Variants in INSL6 observed in about 807,000 individuals in gnomAD.
INSL6 encodes insulin like 6, also known as insulin-like peptide INSL6.
A neutral mutation model predicts 9.4 loss-of-function variants in INSL6; 16 were observed. The ratio of observed to expected loss-of-function variants is 1.70; its 90% CI spans 1.15 to 2.59. INSL6 has a LOEUF of 2.59. Ranked by LOEUF, INSL6 falls within the 30% of genes most tolerant of loss-of-function variation. The probability of loss-of-function intolerance (pLI) is 0.00; values close to 1 mark genes in which losing one functional copy is unlikely to be tolerated. For missense variants in INSL6, 391 were observed against 257.3 expected, an observed-to-expected ratio of 1.52 and a Z score of -3.56; for synonymous variants, 154 against 96.9, an observed-to-expected ratio of 1.59 and a Z score of -3.46.
At chr9:5,151,361 A>T (rs551335800) in intron 2 of INSL6, among the ~76,000 whole-genome samples, 2 of 152,342 alleles carry the variant, frequency 1.3e-5, no homozygotes, top group Admixed American at 6.5e-5. Flanking sequence ...AAAATAAGAA[A>T]ATAATGCGTG....
At chr9:5,002,759 T>C in the INSL6 span, among the ~76,000 whole-genome samples, 3 of 152,028 alleles carry the variant, frequency 2.0e-5, no homozygotes, top group Non-Finnish European at 2.9e-5. Context: ...TTTCCCTCTT[T>C]ACATTTTTGC....
chr9:5,059,411 G>C, the INSL6 span, among the ~76,000 whole-genome samples: 1 of 152,076 alleles, frequency 6.6e-6, no homozygotes, highest in Admixed American at 6.5e-5. Context: ...CCTTTTTATT[G>C]CTGGGTAGTA....
chr9:5,010,173 G>T, the INSL6 span, among the ~76,000 whole-genome samples: 1 of 152,084 alleles, frequency 6.6e-6, no homozygotes, highest in Non-Finnish European at 1.5e-5. Flanking sequence ...TTTGCTGATA[G>T]CACCTTTTCT....
downstream of INSL6, among the ~76,000 whole-genome samples, chr9:5,119,781 T>C (rs1823473317): frequency 6.6e-6 from 1 of 152,122 alleles, no homozygotes; most frequent in Non-Finnish European, 1.5e-5. Flanking sequence ...ATGATCAAAA[T>C]TTTCATATGT....
the INSL6 span, among the ~76,000 whole-genome samples, chr9:5,061,858 G>GA: frequency 2.6e-5 from 4 of 152,228 alleles, no homozygotes; most frequent in Non-Finnish European, 4.4e-5. Flanking sequence ...TAAAGTGAGA[G>GA]ATGGGTGAAT....
At chr9:5,111,799 C>G in the INSL6 span, 1 of 423,310 alleles carries the variant, frequency 2.4e-6, no homozygotes, top group Non-Finnish European at 4.7e-6. Flanking sequence ...CCTTGGCCCC[C>G]GGAGCCACGT....
the INSL6 span, among the ~76,000 whole-genome samples, chr9:5,082,285 A>C: frequency 2.6e-5 from 4 of 152,194 alleles, no homozygotes; most frequent in Non-Finnish European, 5.9e-5. Flanking sequence ...GAAGGTCAGC[A>C]AGAAAACATG....
chr9:5,155,961 G>C (rs972892159), intron 2 of INSL6, among the ~76,000 whole-genome samples: 1 of 151,876 alleles, frequency 6.6e-6, no homozygotes, highest in Non-Finnish European at 1.5e-5. Flanking sequence ...GTAAACCTCA[G>C]CTAGAATAAT....
At chr9:5,152,154 C>T (rs895619377) in intron 2 of INSL6, among the ~76,000 whole-genome samples, 3 of 152,136 alleles carry the variant, frequency 2.0e-5, no homozygotes, top group Admixed American at 1.3e-4. Context: ...GATTTCAACA[C>T]TTTTATCTCA....
At chr9:5,098,195 C>A in the INSL6 span, 2 of 152,126 alleles carry the variant, frequency 1.3e-5, no homozygotes, top group Non-Finnish European at 2.9e-5. Flanking sequence ...CTACATTAAA[C>A]CCTTAAATGA....
chr9:5,182,384 G>C (rs1438315648), intron 1 of INSL6, among the ~76,000 whole-genome samples: 3 of 152,000 alleles, frequency 2.0e-5, no homozygotes, highest in Non-Finnish European at 4.4e-5. Context: ...TACAACAATT[G>C]CCAAGGAGAG....
At chr9:5,029,813 C>T in the INSL6 span, 1 of 1,611,172 alleles carries the variant, frequency 6.2e-7, no homozygotes, top group Non-Finnish European at 8.5e-7. Context: ...AATATGTTTG[C>T]TTTAATGAGT....
At chr9:5,128,861 C>A (rs755278378) in intron 3 of INSL6, among the ~76,000 whole-genome samples, 1 of 151,884 alleles carries the variant, frequency 6.6e-6, no homozygotes, top group African/African-American at 2.4e-5. Context: ...ATATTTTTCA[C>A]GTTAATATTC....
downstream of INSL6, among the ~76,000 whole-genome samples, chr9:5,162,224 A>AT (rs747416282): frequency 8.6e-5 from 13 of 150,314 alleles, no homozygotes; most frequent in African/African-American, 1.5e-4. Context: ...GGTATCTCAG[A>AT]TTTTTTTTTT....
At chr9:5,001,303 C>T in the INSL6 span, among the ~76,000 whole-genome samples, 1 of 152,144 alleles carries the variant, frequency 6.6e-6, no homozygotes, top group African/African-American at 2.4e-5. Context: ...AATATGTAAT[C>T]ATTAAGTAAT....
rs79109074 is a variant in INSL6, at chr9:5,145,587, A to G, written c.377-11995T>C. On this transcript the variant is annotated intron_variant, in intron 2 of 3. Coordinates refer to the INSL6 transcript ENST00000649639. ...GTTCCACTCTTCCCAGCTCTTTCAG[A>G]TATACCAATCAGTTGCAGGCTGGGT... Among the ~76,000 whole-genome samples the G allele has an allele frequency of 6.5e-3, 982 of 152,222 alleles. 9 individuals carry two copies. The highest frequency in any genetic ancestry group is 0.023 in the African/African-American group (941 of 41,534).
chr9:5,082,685 AG>A, the INSL6 span, among the ~76,000 whole-genome samples: 2 of 152,236 alleles, frequency 1.3e-5, no homozygotes, highest in Non-Finnish European at 2.9e-5. Flanking sequence ...CCGGCTTTCC[AG>A]GGCAGAGGTC....
At chr9:5,110,227 CAGG>C in the INSL6 span, 1 of 152,198 alleles carries the variant, frequency 6.6e-6, no homozygotes, top group Admixed American at 6.5e-5. Context: ...ATAGTTGTAG[CAGG>C]AGTTTTCCTG....
chr9:5,021,925 G>T, the INSL6 span: 1 of 1,259,472 alleles, frequency 7.9e-7, no homozygotes, highest in South Asian at 1.3e-5. Flanking sequence ...GAGACACTGC[G>T]CCCAGCCCAT....
Sources: allele counts gnomAD v4.1 joint callset (sites outside exome capture counted in the v4.1 genomes callset), GRCh38; gene constraint gnomAD v4.1.1; transcripts MANE v1.5; gene names NCBI Gene and HGNC (gene_info 2026-07-23, HGNC 2026-07-21).